ARID1B: variants seen among roughly 807,000 people sequenced by gnomAD.
ARID1B encodes the protein AT-rich interactive domain-containing protein 1B.
Under a neutral mutation model 212.3 loss-of-function variants are expected in ARID1B, and 30 were observed. The ratio of observed to expected loss-of-function variants is 0.14; its 90% confidence interval spans 0.11 to 0.19. The LOEUF is 0.19. ARID1B is among the 10% of genes least tolerant of loss of function. The pLI is 1.00. For synonymous variants in ARID1B, 1,402 were observed against 1,301.7 expected (o/e 1.08, Z -1.66); for missense variants, 2,891 against 3,204.0 (o/e 0.90, Z 2.36).
At chr6:156,810,188 A>G (rs191148138) in intron 1 of ARID1B, among the ~76,000 whole-genome samples, 5 of 152,328 alleles carry the variant, frequency 3.3e-5, no homozygotes, top group Middle Eastern at 3.4e-3. Flanking sequence ...TTTTGTACAC[A>G]TTGTCCTATA....
Position 157,206,141 on chromosome 6 carries a change from TTTC to T in ARID1B, c.5395-21_5395-19del, listed in dbSNP as rs995634972. 1.9e-6 allele frequency: 3 copies of T among 1,609,672 alleles called. No individual in the cohort carries two copies. Among genetic ancestry groups the T allele is most frequent in the African/African-American group, 2.7e-5 (2 of 74,694 alleles). On this transcript the variant is annotated intron_variant, in intron 19 of 19. Transcript: ENST00000636930. This position sits in a 1 kb window ranked among gnomAD's most constrained non-coding sequence, Gnocchi z 6.8. ...GTCATGACATTGTACCTGTTCTTTC[TTTC>T]TTCTCCTCCTCCTCCTCTCCAGTTG...
intron 4 of ARID1B, among the ~76,000 whole-genome samples, chr6:157,049,576 C>A (rs937953751): frequency 6.6e-6 from 1 of 152,140 alleles, no homozygotes; most frequent in Non-Finnish European, 1.5e-5. Flanking sequence ...GTCTCTTAAC[C>A]TCCCTTCACT....
At chr6:156,931,264 G>A (rs888206066) in intron 3 of ARID1B, among the ~76,000 whole-genome samples, 1 of 149,316 alleles carries the variant, frequency 6.7e-6, no homozygotes, top group African/African-American at 2.5e-5. Flanking sequence ...TTTTTAAAAA[G>A]TGTCTTTGAC....
At chr6:156,802,477 A>G (rs1451357183) in intron 1 of ARID1B, among the ~76,000 whole-genome samples, 3 of 152,226 alleles carry the variant, frequency 2.0e-5, no homozygotes, top group African/African-American at 7.2e-5. Flanking sequence ...TATTTAAATC[A>G]TATACTTTTT....
At chr6:156,994,079 A>C (rs73790993) in intron 4 of ARID1B, among the ~76,000 whole-genome samples, 2 of 152,084 alleles carry the variant, frequency 1.3e-5, no homozygotes, top group Admixed American at 6.5e-5. Context: ...ACTTTTGGTC[A>C]TTTTTTTTGT....
chr6:157,198,880 C>A lies in ARID1B; in HGVS notation c.4452C>A (p.His1484Gln). Residue 1484 changes from histidine to glutamine, a missense_variant, in exon 17 of 20, where the codon CAC becomes CAA. By Grantham distance (24) the His-to-Gln change is conservative. Around this residue, in one of 7 missense-constraint regions of ARID1B, gnomAD observed 666 missense variants for 873.5 expected, o/e 0.76. Transcript: ENST00000636930. ...PPSGQPPYGGHQPGLYPQQPN... is the reference protein window; with the variant it reads ...PPSGQPPYGGQQPGLYPQQPN... ...CGGGACAGCCGCCGTATGGAGGGCACCAGCCCGGCCTGTACCCACAGCAGC... is the reference window on the plus strand; with the variant it reads ...CGGGACAGCCGCCGTATGGAGGGCAACAGCCCGGCCTGTACCCACAGCAGC... 6.2e-7 allele frequency: 1 copy of A among 1,607,936 alleles called. No individual in the cohort carries two copies.
Position 156,945,200 on chromosome 6 carries a change from A to G in ARID1B, c.2247+9624A>G, listed in dbSNP as rs544399759. Among the ~76,000 whole-genome samples, 622 of 108,580 alleles carry G rather than the reference A, an allele frequency of 5.7e-3. 2 individuals are homozygous for G. The highest frequency in any genetic ancestry group is 0.023 in the Middle Eastern group (2 of 86). 71.2% of individuals were successfully genotyped at this position (108,580 alleles called of 152,430 possible). On this transcript the variant is annotated intron_variant, in intron 4 of 19. Coordinates refer to ENST00000636930, the MANE Select transcript of ARID1B (RefSeq NM_001374828.1). ...TCCGCCCGCCTCTGCCACCCAAAGT[A>G]CTGGGATGACCGGTGTGAGCCCCCG...
intron 2 of ARID1B, chr6:156,871,713 G>T: frequency 6.4e-7 from 1 of 1,571,046 alleles, no homozygotes; most frequent in Non-Finnish European, 8.7e-7. Context: ...TATGACAGTG[G>T]GGGCAGCTGG....
intron 3 of ARID1B, among the ~76,000 whole-genome samples, chr6:156,912,023 A>G (rs1429295084): frequency 6.6e-6 from 1 of 152,262 alleles, no homozygotes; most frequent in Non-Finnish European, 1.5e-5. Context: ...GTAAGAAAGT[A>G]AAGATTTCTT....
rs1420520543 is a variant in ARID1B at position 157,190,664 on chromosome 6, A to T, written c.4231+454A>T. On this transcript the variant is annotated intron_variant, in intron 15 of 19. Coordinates refer to ENST00000636930, the MANE Select transcript of ARID1B (RefSeq NM_001374828.1). The surrounding 1 kb of genome is among the most constrained non-coding windows in gnomAD (Gnocchi z 4.6). ...GTGTGCGCTGGGCGCTAGCTCGTGGATTGGTAAATCAGAGTCGCTGCCCAC... is the reference window on the plus strand; with the variant it reads ...GTGTGCGCTGGGCGCTAGCTCGTGGTTTGGTAAATCAGAGTCGCTGCCCAC... Among the ~76,000 whole-genome samples the T allele has an allele frequency of 6.6e-6, 1 of 152,196 alleles. No homozygotes were observed. The highest frequency in any genetic ancestry group is 1.5e-5 in the Non-Finnish European group (1 of 68,044).
chr6:157,037,901 C>G (rs975788538), intron 4 of ARID1B, among the ~76,000 whole-genome samples: 5 of 152,070 alleles, frequency 3.3e-5, no homozygotes, highest in Non-Finnish European at 5.9e-5. Flanking sequence ...AAGAGGAGCT[C>G]AAGATGAGTC....
chr6:157,155,299 C>T (rs1583417609), intron 8 of ARID1B, among the ~76,000 whole-genome samples: 2 of 152,000 alleles, frequency 1.3e-5, no homozygotes, highest in Admixed American at 6.6e-5. Flanking sequence ...TGTTAAAGTA[C>T]GAATTGTGAA....
Position 156,955,398 on chromosome 6 carries a change from CTT to C in ARID1B, c.2247+19824_2247+19825del, listed in dbSNP as rs912926818. Among the ~76,000 whole-genome samples, 3 of 152,176 alleles carry C rather than the reference CTT, an allele frequency of 2.0e-5. No individual in the cohort carries two copies. Among genetic ancestry groups the C allele is most frequent in the Admixed American group, 1.3e-4 (2 of 15,282 alleles). On this transcript the variant is annotated intron_variant, in intron 4 of 19. Transcript: ENST00000636930. This position sits in a 1 kb window ranked among gnomAD's most constrained non-coding sequence, Gnocchi z 4.2. ...ATTAACCACAATCCTGTCCTAGAGACTTTATCTGAGGCTAGGTGGGGATCCAG... is the reference window on the plus strand; with the variant it reads ...ATTAACCACAATCCTGTCCTAGAGACTATCTGAGGCTAGGTGGGGATCCAG...
At chr6:156,913,021 C>CTT (rs112512329) in intron 3 of ARID1B, among the ~76,000 whole-genome samples, 17 of 136,630 alleles carry the variant, frequency 1.2e-4, no homozygotes, top group East Asian at 8.4e-4. Flanking sequence ...TTCATACTTT[C>CTT]TTTTTTTTTT....
At chr6:157,199,647 G>C (rs1311575014) in intron 17 of ARID1B, among the ~76,000 whole-genome samples, 1 of 150,530 alleles carries the variant, frequency 6.6e-6, no homozygotes, top group Non-Finnish European at 1.5e-5. Flanking sequence ...ATTTAATTTT[G>C]CTGGAGCATA....
intron 4 of ARID1B, among the ~76,000 whole-genome samples, chr6:157,034,925 A>G (rs1335541561): frequency 1.3e-5 from 2 of 152,208 alleles, no homozygotes; most frequent in African/African-American, 4.8e-5. Flanking sequence ...GTTTAAAGGT[A>G]TATTAAGAGT....
chr6:156,874,086 T>C (rs9322586), intron 2 of ARID1B, among the ~76,000 whole-genome samples: 75,662 of 152,040 alleles, frequency 0.5, 19,993 homozygotes, highest in African/African-American at 0.7. Flanking sequence ...TTGTTTGTTT[T>C]ATTTTGTTTA....
At chr6:157,133,667 G>A (rs991166586) in intron 7 of ARID1B, among the ~76,000 whole-genome samples, 1 of 152,156 alleles carries the variant, frequency 6.6e-6, no homozygotes, top group African/African-American at 2.4e-5. Flanking sequence ...GTTTCTCTCC[G>A]AGGTGCCGCA....
intron 3 of ARID1B, among the ~76,000 whole-genome samples, chr6:156,925,816 A>G (rs1380448174): frequency 1.3e-5 from 2 of 152,162 alleles, no homozygotes; most frequent in African/African-American, 2.4e-5. Flanking sequence ...CAGATAATGA[A>G]CAGTACTCAT....
Sources: gnomAD v4.1 joint callset for allele counts (sites outside exome capture counted in the v4.1 genomes callset) on GRCh38, gnomAD v4.1.1 for gene constraint, gnomAD v4.1.1 regional missense constraint, Gnocchi (gnomAD v3.1) non-coding constraint, MANE v1.5 for transcripts, NCBI Gene and HGNC (gene_info 2026-07-23, HGNC 2026-07-21) for gene names.